Variants in PCDHA1 observed in about 807,000 individuals in gnomAD.
The protein encoded by PCDHA1 is protocadherin alpha-1.
A neutral mutation model predicts 61.3 loss-of-function variants in PCDHA1; 42 were observed. The ratio of observed to expected loss-of-function variants is 0.69; its 90% CI spans 0.54 to 0.89. The LOEUF (loss-of-function observed/expected upper bound fraction) is 0.89. Ranked by LOEUF, PCDHA1 falls within the 40% of genes least tolerant of loss-of-function variation. The probability of loss-of-function intolerance (pLI) is 0.00; values close to 1 mark genes in which losing one functional copy is unlikely to be tolerated. For missense variants in PCDHA1, 1,256 were observed against 1,235.3 expected (o/e 1.02, Z -0.25); for synonymous variants, 610 against 553.8 (o/e 1.10, Z -1.43).
chr5:140,870,731 C>T (rs782095287), intron 1 of PCDHA1: 3 of 1,613,444 alleles, frequency 1.9e-6, no homozygotes, highest in Non-Finnish European at 2.5e-6. Context: ...GGCGTGCCGC[C>T]TCTGAGCAGC....
At chr5:140,983,461 A>G (rs1291305158) in intron 3 of PCDHA1, among the ~76,000 whole-genome samples, 1 of 152,238 alleles carries the variant, frequency 6.6e-6, no homozygotes, top group Non-Finnish European at 1.5e-5. Flanking sequence ...TTAATAGAAC[A>G]TCATGATGAT....
chr5:140,808,666 G>T (rs1409073063), intron 1 of PCDHA1: 3 of 1,612,844 alleles, frequency 1.9e-6, no homozygotes, highest in African/African-American at 1.3e-5. Flanking sequence ...TGTCCTACTC[G>T]CTGGTAGAGC....
chr5:140,828,840 G>C, intron 1 of PCDHA1: 1 of 1,614,210 alleles, frequency 6.2e-7, no homozygotes, highest in Non-Finnish European at 8.5e-7. Flanking sequence ...TACGAAGTAA[G>C]AATATTCGAA....
chr5:140,964,952 T>C (rs868971882), intron 1 of PCDHA1, among the ~76,000 whole-genome samples: 1 of 152,190 alleles, frequency 6.6e-6, no homozygotes, highest in South Asian at 2.1e-4. Flanking sequence ...TGAGTGTGCT[T>C]GGTTGGTGGA....
At chr5:140,843,605 G>A (rs2150363310) in intron 1 of PCDHA1, 2 of 1,596,092 alleles carry the variant, frequency 1.3e-6, no homozygotes, top group East Asian at 2.2e-5. Flanking sequence ...GTGCTCTGGT[G>A]AGGGGCCACC....
intron 1 of PCDHA1, among the ~76,000 whole-genome samples, chr5:140,975,701 T>A (rs2153808072): frequency 6.6e-6 from 1 of 152,358 alleles, no homozygotes; most frequent in East Asian, 1.9e-4. Flanking sequence ...AAACTTATTT[T>A]ACTTTAAATC....
At chr5:140,820,994 A>T (rs1466692140) in intron 1 of PCDHA1, among the ~76,000 whole-genome samples, 1 of 152,134 alleles carries the variant, frequency 6.6e-6, no homozygotes, top group African/African-American at 2.4e-5. Context: ...TTATAGATAA[A>T]GAAATAGGTT....
At chr5:140,854,823 T>C (rs1007254376) in intron 1 of PCDHA1, among the ~76,000 whole-genome samples, 1 of 149,812 alleles carries the variant, frequency 6.7e-6, no homozygotes, top group Non-Finnish European at 1.5e-5. Flanking sequence ...CAAGTGGTGA[T>C]GAAAAACTTC....
chr5:140,871,092 C>T lies in PCDHA1; in HGVS notation c.2394+82408C>T, dbSNP rs575877743. 10 of 1,613,260 alleles carry T rather than the reference C, an allele frequency of 6.2e-6. No homozygotes were observed. The Admixed American group carries it at 8.3e-5, about 13-fold the overall frequency. ...AGCCGGCGCTGACGGCCACGGCCAC[C>T]GTGCTGGTGTCGTTGGTGGAGAGCG... is the stretch of plus-strand genomic sequence containing the variant. On this transcript the variant is annotated intron_variant, in intron 1 of 3. Transcript: ENST00000504120.
intron 1 of PCDHA1, among the ~76,000 whole-genome samples, chr5:140,971,548 C>T (rs558563294): frequency 6.6e-6 from 1 of 152,246 alleles, no homozygotes; most frequent in African/African-American, 2.4e-5. Context: ...CCAGATCAAC[C>T]TGTTAAATTC....
At chr5:140,968,062 G>A in intron 1 of PCDHA1, 2 of 1,614,120 alleles carry the variant, frequency 1.2e-6, no homozygotes, top group Non-Finnish European at 1.7e-6. Flanking sequence ...GAGAGCGGGT[G>A]GCTGTCTACA....
chr5:140,891,956 G>T (rs528674370), intron 1 of PCDHA1, among the ~76,000 whole-genome samples: 1 of 152,344 alleles, frequency 6.6e-6, no homozygotes, highest in South Asian at 2.1e-4. Flanking sequence ...CCAGAATTGT[G>T]AGAAGTAAAT....
chr5:140,812,332 G>C (rs1296138326), intron 1 of PCDHA1: 1 of 151,914 alleles, frequency 6.6e-6, no homozygotes, highest in Non-Finnish European at 1.5e-5. Context: ...TGTGGCATCA[G>C]GTGTAATGCC....
chr5:140,829,472 A>C (rs1281659307), intron 1 of PCDHA1: 2 of 1,613,698 alleles, frequency 1.2e-6, no homozygotes, highest in Non-Finnish European at 8.5e-7. Flanking sequence ...GCCCGAGTAC[A>C]CAGTGTTCGT....
intron 1 of PCDHA1, among the ~76,000 whole-genome samples, chr5:140,903,060 T>C (rs1412957275): frequency 6.6e-6 from 1 of 152,316 alleles, no homozygotes; most frequent in East Asian, 1.9e-4. Flanking sequence ...TGACTTCTTT[T>C]CCTTTGGGTA....
chr5:140,973,815 A>C (rs2096603789), intron 1 of PCDHA1, among the ~76,000 whole-genome samples: 1 of 152,224 alleles, frequency 6.6e-6, no homozygotes, highest in African/African-American at 2.4e-5. Flanking sequence ...CAGAATAGCA[A>C]AGTCAGTTCT....
At position 140,838,280 on chromosome 5, in the gene PCDHA1, A is replaced by ATTTTTT. The variant is rs34299325; in HGVS notation, c.2394+49606_2394+49611dup. On this transcript the variant is annotated intron_variant, in intron 1 of 3. Transcript: ENST00000504120. ...AGACGCCAACAACCAAGCCATGCTA[A>ATTTTTT]TTTTTTTTTTTTTTTGTATTTTTAG... is the stretch of plus-strand genomic sequence containing the variant. 3.0e-3 allele frequency among the ~76,000 whole-genome samples: 422 copies of ATTTTTT among 139,576 alleles called. 11 individuals are homozygous for ATTTTTT. Among genetic ancestry groups the ATTTTTT allele is most frequent in the African/African-American group, 0.011 (409 of 36,774 alleles). The allele number at this position is 139,576 out of a possible 152,430, so 91.6% of individuals were successfully genotyped here.
At chr5:140,843,511 C>A (rs2150361432) in intron 1 of PCDHA1, 3 of 1,595,670 alleles carry the variant, frequency 1.9e-6, no homozygotes, top group East Asian at 2.2e-5. Context: ...CCACTGAGGG[C>A]GGGTGCCGGG....
intron 1 of PCDHA1, chr5:140,862,360 G>C (rs920511235): frequency 6.0e-6 from 2 of 334,746 alleles, no homozygotes; most frequent in Non-Finnish European, 1.2e-5. Flanking sequence ...AGGGACAGAC[G>C]ACCCGCACCC....
Sources: allele counts gnomAD v4.1 joint callset (sites outside exome capture counted in the v4.1 genomes callset), GRCh38; gene constraint gnomAD v4.1.1; transcripts MANE v1.5; gene names NCBI Gene and HGNC (gene_info 2026-07-23, HGNC 2026-07-21).